Variants in DPRX observed in about 807,000 individuals in gnomAD.
DPRX encodes the protein divergent-paired related homeobox, also known as divergent paired-related homeobox.
DPRX carries 11 observed loss-of-function variants against 8.4 expected under a neutral mutation model. The ratio of observed to expected loss-of-function variants is 1.31; its 90% CI spans 0.82 to 2.17. The LOEUF (loss-of-function observed/expected upper bound fraction) is 2.17, where lower values mean the gene tolerates loss of function less well. DPRX is among the 30% of genes most tolerant of loss of function. DPRX has a pLI of 0.00. For missense variants in DPRX, 211 were observed against 236.7 expected, an observed-to-expected ratio of 0.89 and a Z score of 0.71; for synonymous variants, 72 against 87.0, an observed-to-expected ratio of 0.83 and a Z score of 0.96.
chr19:53,602,773 T>G, the DPRX span, among the ~76,000 whole-genome samples: 1 of 151,116 alleles, frequency 6.6e-6, no homozygotes, highest in Non-Finnish European at 1.5e-5. Flanking sequence ...GACCTTGTGA[T>G]CCACTCCCCC....
chr19:53,616,911 G>A, the DPRX span: 632 of 1,437,402 alleles, frequency 4.4e-4, no homozygotes, highest in Non-Finnish European at 5.1e-4. Context: ...TGTATGCTCT[G>A]GTGGTGGTGT....
the DPRX span, among the ~76,000 whole-genome samples, chr19:53,620,686 A>AT: frequency 1.3e-5 from 2 of 149,570 alleles, no homozygotes; most frequent in African/African-American, 5.0e-5. Context: ...TCCATTTTAA[A>AT]TTTTTTGTTA....
chr19:53,605,139 C>T, the DPRX span, among the ~76,000 whole-genome samples: 1 of 152,126 alleles, frequency 6.6e-6, no homozygotes, highest in Non-Finnish European at 1.5e-5. Flanking sequence ...CACAGACCCC[C>T]GCCTCTACAA....
chr19:53,627,486 G>C (rs1455667158), upstream of DPRX, among the ~76,000 whole-genome samples: 1 of 144,632 alleles, frequency 6.9e-6, no homozygotes, highest in Non-Finnish European at 1.5e-5. Context: ...GCCCAGGCTG[G>C]AGTGCAATGG....
At chr19:53,605,089 G>A in the DPRX span, among the ~76,000 whole-genome samples, 8 of 152,046 alleles carry the variant, frequency 5.3e-5, no homozygotes, top group East Asian at 1.5e-3. Context: ...CGAGGCAGGC[G>A]GACTGCTTGA....
At chr19:53,601,687 G>T in the DPRX span, among the ~76,000 whole-genome samples, 4 of 151,962 alleles carry the variant, frequency 2.6e-5, no homozygotes, top group Non-Finnish European at 5.9e-5. Context: ...TCACCATGTT[G>T]GTCAGGCTGG....
the DPRX span, among the ~76,000 whole-genome samples, chr19:53,611,941 G>A: frequency 5.7e-4 from 86 of 152,088 alleles, 1 homozygote; most frequent in Admixed American, 2.8e-3. Flanking sequence ...AAAATTAGCC[G>A]GGCATGGTGG....
chr19:53,636,386 T>A (rs35436347), intron 2 of DPRX, among the ~76,000 whole-genome samples: 49,531 of 130,018 alleles, frequency 0.38, 8,477 homozygotes, highest in East Asian at 0.47. Context: ...TAAAATAAAA[T>A]AAAAATAAAT....
chr19:53,607,080 CAT>C, the DPRX span: 1 of 153,020 alleles, frequency 6.5e-6, no homozygotes, highest in Non-Finnish European at 1.5e-5. Flanking sequence ...GAACAAGAAA[CAT>C]TGGTAAGGTG....
the DPRX span, chr19:53,602,116 G>A: frequency 1.5e-4 from 68 of 456,682 alleles, 1 homozygote; most frequent in South Asian, 5.1e-4. Flanking sequence ...GAGAACAGGC[G>A]TTTGGGCCAA....
chr19:53,636,381 T>TAA (rs66955116), intron 2 of DPRX, among the ~76,000 whole-genome samples: 14 of 110,246 alleles, frequency 1.3e-4, no homozygotes, highest in African/African-American at 1.7e-4. Flanking sequence ...TAAAATAAAA[T>TAA]AAAATAAAAA....
rs148016500 is a variant in DPRX at position 53,636,345 on chromosome 19, G to A, written c.184-251G>A. On this transcript the variant is annotated intron_variant, in intron 2 of 2. Transcript: ENST00000376650. Reference sequence around the variant, plus strand: ...GGTGCCACTGAACTCCAGCCTGGGCGACAAGGTGAGACTCCATCTCAAAAA... The same window carrying A: ...GGTGCCACTGAACTCCAGCCTGGGCAACAAGGTGAGACTCCATCTCAAAAA... Among the ~76,000 whole-genome samples, 950 of 150,436 alleles carry A rather than the reference G, an allele frequency of 6.3e-3. 11 individuals are homozygous for A. The highest frequency in any genetic ancestry group is 0.022 in the African/African-American group (906 of 40,974).
chr19:53,605,343 G>A, the DPRX span, among the ~76,000 whole-genome samples: 1 of 151,742 alleles, frequency 6.6e-6, no homozygotes, highest in South Asian at 2.1e-4. Context: ...CTCCCGAGTA[G>A]CTGGGACTAC....
the DPRX span, among the ~76,000 whole-genome samples, chr19:53,625,585 C>T: frequency 1.3e-5 from 2 of 152,098 alleles, no homozygotes; most frequent in Admixed American, 1.3e-4. Context: ...TGAGCACTCC[C>T]TGGAGAACAT....
chr19:53,624,079 C>CTT, the DPRX span, among the ~76,000 whole-genome samples: 1,226 of 93,274 alleles, frequency 0.013, 223 homozygotes, highest in African/African-American at 0.049. Context: ...ATTGTTGTAC[C>CTT]TTTTTTTTTT....
At chr19:53,614,516 T>C in the DPRX span, among the ~76,000 whole-genome samples, 1 of 152,004 alleles carries the variant, frequency 6.6e-6, no homozygotes, top group Non-Finnish European at 1.5e-5. Flanking sequence ...CTGGGCAACA[T>C]AGCGAGACCC....
upstream of DPRX, among the ~76,000 whole-genome samples, chr19:53,631,252 C>G (rs1048989956): frequency 1.3e-5 from 2 of 151,482 alleles, no homozygotes; most frequent in African/African-American, 4.8e-5. Flanking sequence ...GATCGTGCCA[C>G]TGCACTCCAG....
At chr19:53,634,379 T>C (rs979638085) in intron 1 of DPRX, 152 bp from the exon 2 acceptor site, 21 of 884,798 alleles carry the variant, frequency 2.4e-5, no homozygotes, top group Non-Finnish European at 3.2e-5. Flanking sequence ...TGCAGTGAGC[T>C]GAGATTGTGC....
At chr19:53,632,563 C>A (rs188175418) in intron 1 of DPRX, among the ~76,000 whole-genome samples, 3 of 152,008 alleles carry the variant, frequency 2.0e-5, no homozygotes, top group African/African-American at 7.2e-5. Flanking sequence ...TCTGGCTCAG[C>A]CTCCCAAAGT....
Sources: allele counts gnomAD v4.1 joint callset (sites outside exome capture counted in the v4.1 genomes callset), GRCh38; gene constraint gnomAD v4.1.1; transcripts MANE v1.5; gene names NCBI Gene and HGNC (gene_info 2026-07-23, HGNC 2026-07-21).